Variants in PTPRD observed in about 807,000 individuals in gnomAD.
The protein encoded by PTPRD is protein tyrosine phosphatase receptor type D.
PTPRD carries 34 observed loss-of-function variants against 214.5 expected under a neutral mutation model. That is an observed-to-expected ratio of 0.16 (90% CI 0.12 to 0.21). PTPRD has a LOEUF of 0.21. Among genes scored for constraint, PTPRD ranks in the 10% least tolerant of loss-of-function variants. The pLI is 1.00. For missense variants in PTPRD, 2,545 were observed against 2,398.7 expected, an observed-to-expected ratio of 1.06 and a Z score of -1.27; for synonymous variants, 1,128 against 845.7, an observed-to-expected ratio of 1.33 and a Z score of -5.79.
At chr9:9,817,617 T>C (rs2049188330) in intron 5 of PTPRD, among the ~76,000 whole-genome samples, 1 of 152,170 alleles carries the variant, frequency 6.6e-6, no homozygotes, top group Non-Finnish European at 1.5e-5. Flanking sequence ...ACAGTTAATT[T>C]TGTTTCTTTC....
chr9:9,847,384 A>G (rs991444641), intron 5 of PTPRD, among the ~76,000 whole-genome samples: 2 of 152,142 alleles, frequency 1.3e-5, no homozygotes, highest in Admixed American at 1.3e-4. Flanking sequence ...AAGCATGTCA[A>G]ATATTTTGAT....
At chr9:10,081,155 G>C (rs2098230245) in intron 3 of PTPRD, among the ~76,000 whole-genome samples, 1 of 151,572 alleles carries the variant, frequency 6.6e-6, no homozygotes, top group Non-Finnish European at 1.5e-5. Flanking sequence ...ATAATTCTTT[G>C]AAATAAATAT....
chr9:9,717,891 C>A (rs1424799386), intron 7 of PTPRD, among the ~76,000 whole-genome samples: 1 of 150,420 alleles, frequency 6.6e-6, no homozygotes, highest in Non-Finnish European at 1.5e-5. Context: ...TTATAGGAAT[C>A]AAAAAATTAA....
chr9:8,368,948 A>G (rs1341376000), intron 39 of PTPRD, among the ~76,000 whole-genome samples: 1 of 152,128 alleles, frequency 6.6e-6, no homozygotes, highest in Non-Finnish European at 1.5e-5. Flanking sequence ...CACTCCACCC[A>G]TTCTTATCGA....
chr9:10,205,804 T>C (rs955448330), intron 3 of PTPRD, among the ~76,000 whole-genome samples: 4 of 152,186 alleles, frequency 2.6e-5, no homozygotes, highest in African/African-American at 7.2e-5. Context: ...TTATAATAAT[T>C]TTAAATGAAA....
chr9:10,273,001 G>A (rs1595870497), intron 3 of PTPRD, among the ~76,000 whole-genome samples: 1 of 152,292 alleles, frequency 6.6e-6, no homozygotes, highest in Admixed American at 6.5e-5. Context: ...AAGATTTGAT[G>A]AGCAAACCCA....
intron 11 of PTPRD, among the ~76,000 whole-genome samples, chr9:8,877,637 C>G (rs887453967): frequency 2.6e-5 from 4 of 152,094 alleles, no homozygotes; most frequent in African/African-American, 9.7e-5. Flanking sequence ...AGAAGTTTAT[C>G]AGGAAAAAAA....
At position 9,136,014 on chromosome 9, in the gene PTPRD, C is replaced by A. The variant is rs138027445; in HGVS notation, c.-143+47290G>T. 2.1e-4 allele frequency among the ~76,000 whole-genome samples: 32 copies of A among 152,252 alleles called. No homozygotes were observed. The East Asian group carries it at 6.2e-3, about 29-fold the overall frequency. On this transcript the variant is annotated intron_variant, in intron 10 of 45. Transcript: ENST00000381196. ...ACATGCACATGTGTTCATGCACATA[C>A]ACACATGCACACACACATACATAGT...
At chr9:9,947,333 GTATTATATATATAATATATATTATATA>G (rs1566615163) in intron 4 of PTPRD, among the ~76,000 whole-genome samples, 2 of 47,208 alleles carry the variant, frequency 4.2e-5, no homozygotes, top group South Asian at 7.1e-4. Flanking sequence ...TATTATATAT[GTATTATATATATAATATATATTATATA>G]TATTATATAT....
At chr9:10,328,358 C>T (rs1183473170) in intron 3 of PTPRD, among the ~76,000 whole-genome samples, 1 of 151,672 alleles carries the variant, frequency 6.6e-6, no homozygotes, top group Non-Finnish European at 1.5e-5. Flanking sequence ...GCACAGGAGA[C>T]TGTAAAACTG....
intron 11 of PTPRD, among the ~76,000 whole-genome samples, chr9:8,783,422 A>G (rs753727434): frequency 2.0e-5 from 3 of 152,232 alleles, no homozygotes; most frequent in Non-Finnish European, 4.4e-5. Context: ...ATTTTGCTAC[A>G]TGATGGATGC....
chr9:9,695,306 G>A (rs1200158897), intron 7 of PTPRD, among the ~76,000 whole-genome samples: 1 of 152,166 alleles, frequency 6.6e-6, no homozygotes, highest in Non-Finnish European at 1.5e-5. Context: ...CTGTGACTGA[G>A]CTGGTATCCA....
chr9:10,122,923 A>G (rs2098787990), intron 3 of PTPRD, among the ~76,000 whole-genome samples: 1 of 152,200 alleles, frequency 6.6e-6, no homozygotes, highest in South Asian at 2.1e-4. Context: ...AGATATAAAA[A>G]GATTGCGGCA....
Position 10,404,973 on chromosome 9 carries a change from A to T in PTPRD, c.-599-63956T>A, listed in dbSNP as rs150853526. Among the ~76,000 whole-genome samples the T allele has an allele frequency of 6.8e-3, 286 of 42,322 alleles. 117 individuals are homozygous for T. The highest frequency in any genetic ancestry group is 0.015 in the African/African-American group (271 of 17,548). 27.8% of individuals were successfully genotyped at this position (42,322 alleles called of 152,430 possible). A position where few individuals can be genotyped will look rare whatever the true frequency, so the allele number is the denominator to read the frequency against. On this transcript the variant is annotated intron_variant, in intron 2 of 45. Coordinates refer to ENST00000381196, the MANE Select transcript of PTPRD (RefSeq NM_002839.4). ...CACTTCAATCTCATCCTCCACAGCC[A>T]TGTGTGAACGCCACTAAATACTGTG...
At chr9:9,410,711 A>G (rs749709939) in intron 8 of PTPRD, among the ~76,000 whole-genome samples, 2 of 152,168 alleles carry the variant, frequency 1.3e-5, no homozygotes, top group Non-Finnish European at 2.9e-5. Context: ...TTGAAACTGT[A>G]TTTTAGTTTT....
chr9:9,360,719 A>G (rs1419495481), intron 9 of PTPRD, among the ~76,000 whole-genome samples: 2 of 151,172 alleles, frequency 1.3e-5, no homozygotes, highest in East Asian at 1.9e-4. Context: ...ATTGTATTAT[A>G]TTTTCTATAA....
intron 5 of PTPRD, among the ~76,000 whole-genome samples, chr9:9,839,082 T>A (rs970746655): frequency 5.3e-5 from 8 of 152,202 alleles, no homozygotes; most frequent in African/African-American, 1.9e-4. Flanking sequence ...GTTGTAGATA[T>A]GCGGCGTTAT....
intron 5 of PTPRD, among the ~76,000 whole-genome samples, chr9:9,856,328 A>T: frequency 6.6e-6 from 1 of 152,068 alleles, no homozygotes; most frequent in East Asian, 1.9e-4. Flanking sequence ...TTGAGTGGGG[A>T]AACGGGATAG....
chr9:10,108,862 T>C (rs2098662647), intron 3 of PTPRD, among the ~76,000 whole-genome samples: 1 of 88,658 alleles, frequency 1.1e-5, no homozygotes, highest in Non-Finnish European at 2.8e-5. Flanking sequence ...GTCAGGCACG[T>C]AAAGAGGGTT....
Sources: gnomAD v4.1 joint callset for allele counts (sites outside exome capture counted in the v4.1 genomes callset) on GRCh38, gnomAD v4.1.1 for gene constraint, MANE v1.5 for transcripts, NCBI Gene and HGNC (gene_info 2026-07-23, HGNC 2026-07-21) for gene names.